CCDC28A: variants seen among roughly 807,000 people sequenced by gnomAD.
CCDC28A encodes coiled-coil domain containing 28A.
A neutral mutation model predicts 22.1 loss-of-function variants in CCDC28A; 24 were observed. That is an observed-to-expected ratio of 1.09 (90% CI 0.79 to 1.53). The LOEUF (loss-of-function observed/expected upper bound fraction) is 1.53. CCDC28A is among the 40% of genes most tolerant of loss of function. The pLI is 0.00. For missense variants in CCDC28A, 170 were observed against 210.7 expected (o/e 0.81, Z 1.20); for synonymous variants, 83 against 74.7 (o/e 1.11, Z -0.57).
Position 138,773,968 on chromosome 6 carries a change from A to G in CCDC28A, c.-43+66A>G, listed in dbSNP as rs1300293119. 11 of 1,570,878 alleles carry G rather than the reference A, an allele frequency of 7.0e-6. No homozygotes were observed. In the Admixed American group the frequency reaches 1.4e-4, roughly 20 times the overall value. ...TTAGGCCCTTCCCACCACTCTGGTC[A>G]CTGCTGGGTACTGGGCGGTGAAGGG... On this transcript the variant is annotated intron_variant, in intron 1 of 5. Transcript: ENST00000617445.
At position 138,779,900 on chromosome 6, in the gene CCDC28A, C is replaced by T. The variant is rs1289470790; in HGVS notation, c.237C>T (p.Leu79=). ...CAACTCCGATCCAGCACTCCTTCCT[C>T]ACTGATGTCTCAGATGTTCAGGAGA... The part of the protein sequence containing the change: ...AQSTPIQHSF[L]TDVSDVQEME... The change falls in exon 3 of 6, where the codon CTC becomes CTT. Residue 79 remains leucine (L), a synonymous_variant. Coordinates refer to ENST00000617445, the MANE Select transcript of CCDC28A (RefSeq NM_015439.3). 3.1e-6 allele frequency: 5 copies of T among 1,613,808 alleles called. No homozygotes were observed. The highest frequency in any genetic ancestry group is 2.2e-5 in the South Asian group (2 of 91,082).
chr6:138,778,395 CTGGT>C (rs753989763), intron 2 of CCDC28A, among the ~76,000 whole-genome samples: 1 of 152,186 alleles, frequency 6.6e-6, no homozygotes, highest in South Asian at 2.1e-4. Context: ...GAAGCCTTCT[CTGGT>C]TGGTCCCACG....
intron 5 of CCDC28A, among the ~76,000 whole-genome samples, chr6:138,791,678 T>C (rs1348507560): frequency 6.6e-6 from 1 of 152,222 alleles, no homozygotes; most frequent in East Asian, 1.9e-4. Flanking sequence ...AGAGTTACTC[T>C]CACCTCCTTG....
chr6:138,781,892 T>C (rs552525824), intron 3 of CCDC28A, among the ~76,000 whole-genome samples: 1 of 152,334 alleles, frequency 6.6e-6, no homozygotes, highest in Non-Finnish European at 1.5e-5. Context: ...TTCTCAAACA[T>C]GTCTGTATCT....
In CCDC28A at chr6:138,773,828, G is replaced by C; in HGVS notation, c.-117G>C. 6.2e-7 allele frequency: 1 copy of C among 1,614,138 alleles called. No homozygotes were observed. Among genetic ancestry groups the C allele is most frequent in the Non-Finnish European group, 8.5e-7 (1 of 1,180,012 alleles). Reference sequence around the variant, plus strand: ...GGATGTGACCGGGGCTCTGCTTGTGGCTGCGGCGGTGGCTTCTGAGGCTGT... The same window carrying C: ...GGATGTGACCGGGGCTCTGCTTGTGCCTGCGGCGGTGGCTTCTGAGGCTGT... On this transcript the variant is annotated 5_prime_UTR_variant, in exon 1 of 6. Transcript: ENST00000617445.
intron 2 of CCDC28A, among the ~76,000 whole-genome samples, chr6:138,778,646 G>T (rs1025848927): frequency 2.6e-5 from 4 of 152,146 alleles, no homozygotes; most frequent in Non-Finnish European, 5.9e-5. Flanking sequence ...GGATTAGCAC[G>T]TAAGAAGATA....
At chr6:138,781,761 T>G (rs535861863) in intron 3 of CCDC28A, among the ~76,000 whole-genome samples, 58 of 152,340 alleles carry the variant, frequency 3.8e-4, no homozygotes, top group African/African-American at 1.4e-3. Flanking sequence ...AAGAGCCCTT[T>G]GTGTTTTAGA....
intron 4 of CCDC28A, 49 bp downstream of exon 4, chr6:138,785,430 GA>G: frequency 7.2e-7 from 1 of 1,384,410 alleles, no homozygotes; most frequent in Non-Finnish European, 1.0e-6. Context: ...TTTTTGTTGC[GA>G]AAAAATGTAC....
chr6:138,788,587 TTTTTC>T (rs1775128190), intron 5 of CCDC28A, among the ~76,000 whole-genome samples, 199 bp downstream of exon 5: 2 of 128,962 alleles, frequency 1.6e-5, no homozygotes, highest in African/African-American at 5.6e-5. Context: ...TTTTTTTTTT[TTTTTC>T]AGAGACAGGG....
intron 4 of CCDC28A, among the ~76,000 whole-genome samples, chr6:138,787,652 T>C (rs1775113059): frequency 1.3e-5 from 2 of 152,192 alleles, no homozygotes; most frequent in Non-Finnish European, 2.9e-5. Flanking sequence ...GGAATACTTA[T>C]AAAACTCCAG....
In CCDC28A at chr6:138,788,568, C is replaced by CTTTTTTTTTTTTTTTTTTTTTTTTTTTT. The variant is rs3070099; in HGVS notation, c.500+203_500+204insTTTTTTTTTTTTTTTTTTTTTTTTTTTT. 1.2e-4 allele frequency among the ~76,000 whole-genome samples: 11 copies of CTTTTTTTTTTTTTTTTTTTTTTTTTTTT among 92,980 alleles called. 1 individual carries two copies. Among genetic ancestry groups the CTTTTTTTTTTTTTTTTTTTTTTTTTTTT allele is most frequent in the South Asian group, 2.8e-4 (1 of 3,560 alleles). 61.0% of individuals were successfully genotyped at this position (92,980 alleles called of 152,430 possible). A position where few individuals can be genotyped will look rare whatever the true frequency, so the allele number is the denominator to read the frequency against. On this transcript the variant is annotated intron_variant, in intron 5 of 5. Transcript: ENST00000617445. ...TTCTTTTCTTTCTCTTTTTTCTTTT[C>CTTTTTTTTTTTTTTTTTTTTTTTTTTTT]TTTTTTTTTTTTTTTTTTTTTTTCA... is the stretch of plus-strand genomic sequence containing the variant.
chr6:138,785,198 CATT>C, intron 3 of CCDC28A, 26 bp from the exon 4 acceptor site: 3 of 1,579,230 alleles, frequency 1.9e-6, no homozygotes, highest in Non-Finnish European at 1.7e-6. Flanking sequence ...CTGTCCTAAT[CATT>C]ATTAATGTTC....
intron 5 of CCDC28A, among the ~76,000 whole-genome samples, chr6:138,791,506 A>G (rs1457506270): frequency 1.3e-5 from 2 of 152,150 alleles, no homozygotes; most frequent in African/African-American, 2.4e-5. Flanking sequence ...AACCATGTCA[A>G]CTATTTTAAA....
intron 1 of CCDC28A, among the ~76,000 whole-genome samples, chr6:138,775,344 G>C (rs958578847): frequency 6.6e-6 from 1 of 152,190 alleles, no homozygotes; most frequent in African/African-American, 2.4e-5. Flanking sequence ...GCATGGAAGG[G>C]CCATCTGTAA....
chr6:138,787,954 A>T (rs1037106324), intron 4 of CCDC28A, among the ~76,000 whole-genome samples: 3 of 148,228 alleles, frequency 2.0e-5, no homozygotes, highest in Non-Finnish European at 1.5e-5. Context: ...CATTTACAGA[A>T]AGCTTTTTTT....
intron 5 of CCDC28A, among the ~76,000 whole-genome samples, chr6:138,789,340 T>A (rs1472762898): frequency 6.6e-6 from 1 of 152,232 alleles, no homozygotes; most frequent in Non-Finnish European, 1.5e-5. Context: ...TGAAGTTTGG[T>A]TCTACATTTT....
intron 3 of CCDC28A, among the ~76,000 whole-genome samples, chr6:138,781,733 T>C (rs998774067): frequency 2.6e-5 from 4 of 152,216 alleles, no homozygotes; most frequent in Non-Finnish European, 4.4e-5. Flanking sequence ...ATTTATCCTT[T>C]TGTTGTTGTC....
intron 3 of CCDC28A, among the ~76,000 whole-genome samples, chr6:138,782,130 T>C (rs1466547897): frequency 6.6e-6 from 1 of 152,192 alleles, no homozygotes; most frequent in Non-Finnish European, 1.5e-5. Flanking sequence ...ACGTCTTTGC[T>C]TTTTCCCAGC....
chr6:138,774,360 T>C (rs1433544898), intron 1 of CCDC28A, among the ~76,000 whole-genome samples: 1 of 152,244 alleles, frequency 6.6e-6, no homozygotes. Flanking sequence ...ATGCGTATCA[T>C]ACATTTTTAC....
Sources: allele counts gnomAD v4.1 joint callset (sites outside exome capture counted in the v4.1 genomes callset), GRCh38; gene constraint gnomAD v4.1.1; transcripts MANE v1.5; gene names NCBI Gene and HGNC (gene_info 2026-07-23, HGNC 2026-07-21).